The following SAMD7 variants were observed in gnomAD, a reference collection of about 807,000 sequenced individuals.
SAMD7 encodes the protein sterile alpha motif domain containing 7, also known as sterile alpha motif domain-containing protein 7.
SAMD7 carries 34 observed loss-of-function variants against 36.7 expected under a neutral mutation model. The ratio of observed to expected loss-of-function variants is 0.93; its 90% confidence interval spans 0.71 to 1.23. The LOEUF (loss-of-function observed/expected upper bound fraction) is 1.23, where lower values mean the gene tolerates loss of function less well. Among genes scored for constraint, SAMD7 ranks in the 50% most tolerant of loss-of-function variants. The pLI is 0.00. For synonymous variants in SAMD7, 188 were observed against 189.7 expected (o/e 0.99, Z 0.07); for missense variants, 570 against 546.6 (o/e 1.04, Z -0.43).
At chr3:169,933,639 A>G (rs1043725526) in intron 7 of SAMD7, among the ~76,000 whole-genome samples, 24 of 152,226 alleles carry the variant, frequency 1.6e-4, no homozygotes, top group African/African-American at 5.5e-4. Context: ...ATATGTATAC[A>G]TTCATGACTA....
At chr3:169,920,495 T>C (rs1271002388) in intron 3 of SAMD7, among the ~76,000 whole-genome samples, 4 of 152,238 alleles carry the variant, frequency 2.6e-5, no homozygotes, top group Non-Finnish European at 4.4e-5. Flanking sequence ...CTATTCCAAG[T>C]ACAGTCACAT....
At chr3:169,915,234 A>G (rs986728864) in intron 1 of SAMD7, 133 bp from the exon 2 acceptor site, 2 of 152,280 alleles carry the variant, frequency 1.3e-5, no homozygotes, top group African/African-American at 4.8e-5. Flanking sequence ...AGTTGCCCAC[A>G]GTGAAAACCC....
intron 8 of SAMD7, 140 bp from the exon 9 acceptor site, chr3:169,938,178 A>G (rs993043130): frequency 6.0e-5 from 37 of 614,726 alleles, no homozygotes; most frequent in Non-Finnish European, 1.1e-4. Flanking sequence ...ACCACATCCT[A>G]CAATTGTGAC....
chr3:169,921,635 T>A (rs891616897), intron 4 of SAMD7, among the ~76,000 whole-genome samples: 2 of 152,208 alleles, frequency 1.3e-5, no homozygotes, highest in East Asian at 3.9e-4. Flanking sequence ...GGAGATTAGA[T>A]CTGAGAATTA....
chr3:169,927,180 A>G lies in SAMD7; in HGVS notation c.918A>G (p.Pro306=). 6.6e-7 allele frequency: 1 copy of G among 1,522,738 alleles called. No homozygotes were observed. Among genetic ancestry groups the G allele is most frequent in the South Asian group, 1.3e-5 (1 of 74,452 alleles). The allele number at this position is 1,522,738 out of a possible 1,614,324, so 94.3% of individuals were successfully genotyped here. Residue 306 remains proline, a splice_region_variant and synonymous_variant, in exon 6 of 9, where the codon CCA becomes CCG. Transcript: ENST00000335556. ...CTCCAGTTCCTCGACCATCTCTGCC[A>G]GGTGGGTGTCCAGGGGCCAATGGCA... ...VCPPVPRPSL[P]GTHALVTIGG...
At chr3:169,917,657 T>TTTA in intron 2 of SAMD7, among the ~76,000 whole-genome samples, 1 of 50,364 alleles carries the variant, frequency 2.0e-5, no homozygotes, top group Non-Finnish European at 5.0e-5. Context: ...TTATTTATTT[T>TTTA]TTGAGACGGA....
At chr3:169,923,155 A>T (rs59298752) in intron 4 of SAMD7, among the ~76,000 whole-genome samples, 6,119 of 152,316 alleles carry the variant, frequency 0.04, 375 homozygotes, top group African/African-American at 0.13. Context: ...AGATGGGAGC[A>T]ATGTGAAGGG....
Position 169,936,352 on chromosome 3 carries a change from A to G in SAMD7, c.1055A>G (p.His352Arg). 1 of 1,604,324 alleles carries G rather than the reference A, an allele frequency of 6.2e-7. No homozygotes were observed. Among genetic ancestry groups the G allele is most frequent in the Non-Finnish European group, 8.5e-7 (1 of 1,171,292 alleles). Reference protein sequence around the residue: ...CSDYAQVFKDHAIDGETLPLL... With the variant: ...CSDYAQVFKDRAIDGETLPLL... ...GTATTTATGAAGGTATTTAAAGATC[A>G]TGCAATTGATGGAGAAACTTTGCCA... The change falls in exon 8 of 9, where the codon CAT becomes CGT. Residue 352 changes from histidine to arginine, a missense_variant. Transcript: ENST00000335556.
intron 3 of SAMD7, 41 bp from the exon 4 acceptor site, chr3:169,921,173 C>T: frequency 6.3e-7 from 1 of 1,596,676 alleles, no homozygotes; most frequent in South Asian, 1.1e-5. Context: ...TGTACTCCAA[C>T]CTCATTTTAC....
chr3:169,928,791 T>A (rs114543795), intron 7 of SAMD7, among the ~76,000 whole-genome samples: 6 of 152,172 alleles, frequency 3.9e-5, no homozygotes, highest in Non-Finnish European at 5.9e-5. Context: ...GGGAAAGCCA[T>A]TGTCTGTCTT....
intron 3 of SAMD7, 90 bp from the exon 4 acceptor site, chr3:169,921,124 G>A (rs759662322): frequency 1.7e-6 from 2 of 1,155,024 alleles, no homozygotes; most frequent in South Asian, 2.6e-5. Flanking sequence ...AATCCCATAT[G>A]GCAATAACAA....
chr3:169,922,151 CA>C (rs1325868516), intron 4 of SAMD7, among the ~76,000 whole-genome samples: 1 of 152,148 alleles, frequency 6.6e-6, no homozygotes, highest in African/African-American at 2.4e-5. Context: ...AGATGCCTAA[CA>C]GACACCCAAG....
intron 5 of SAMD7, 70 bp downstream of exon 5, chr3:169,925,206 A>G (rs1279189190): frequency 1.0e-6 from 1 of 960,602 alleles, no homozygotes; most frequent in Non-Finnish European, 1.6e-6. Flanking sequence ...TGTTATCTTC[A>G]TATAACAAAT....
intron 5 of SAMD7, 137 bp downstream of exon 5, chr3:169,925,273 T>G (rs1211050568): frequency 5.4e-6 from 3 of 555,492 alleles, no homozygotes; most frequent in Non-Finnish European, 9.2e-6. Flanking sequence ...TTACATAAAG[T>G]ATTTCAGGCA....
At chr3:169,919,078 G>A (rs762231222) in intron 2 of SAMD7, among the ~76,000 whole-genome samples, 10 of 152,090 alleles carry the variant, frequency 6.6e-5, no homozygotes, top group Non-Finnish European at 1.2e-4. Context: ...CCCGGGAGGC[G>A]GAGGTTGCAG....
At position 169,938,498 on chromosome 3, in the gene SAMD7, A is replaced by G; in HGVS notation, c.1333A>G (p.Arg445Gly). 1 of 1,603,574 alleles carries G rather than the reference A, an allele frequency of 6.2e-7. No individual in the cohort carries two copies. Among genetic ancestry groups the G allele is most frequent in the African/African-American group, 1.3e-5 (1 of 74,680 alleles). ...TAAAGGAATTGAGCGAGGTAGTATG[A>G]GAAACTAAAAGCCCTCAAGGAGGAA... Reference protein sequence around the residue: ...IPKGIERGSMRN With the variant: ...IPKGIERGSMGN Residue 445 changes from arginine (R) to glycine (G), a missense_variant, in exon 9 of 9, where the codon AGA (arginine) becomes GGA (glycine). Coordinates refer to ENST00000335556, the MANE Select transcript of SAMD7 (RefSeq NM_001304366.2).
rs1285283592 is a variant in SAMD7, at chr3:169,938,453, C to T, written c.1288C>T (p.Pro430Ser). ...GAGTGATACAATGAACATTTTTTGT[C>T]CCCAGGATACAATAATTCCTAAAGG... ...SWSDTMNIFC[P>S]QDTIIPKGIE... Residue 430 changes from proline (P) to serine (S), a missense_variant, in exon 9 of 9, where the codon CCC becomes TCC. Pro to Ser is a moderately conservative substitution (Grantham distance 74). Transcript: ENST00000335556. 1.9e-6 allele frequency: 3 copies of T among 1,612,942 alleles called. No homozygotes were observed. Among genetic ancestry groups the T allele is most frequent in the African/African-American group, 1.3e-5 (1 of 74,998 alleles).
intron 4 of SAMD7, 142 bp from the exon 5 acceptor site, chr3:169,924,916 A>G: frequency 1.7e-6 from 1 of 578,690 alleles, no homozygotes; most frequent in East Asian, 2.9e-5. Context: ...ATGATCTGAT[A>G]CCATTTCCAA....
intron 7 of SAMD7, chr3:169,932,392 C>A: frequency 1.6e-6 from 1 of 640,626 alleles, no homozygotes; most frequent in Admixed American, 1.8e-5. Context: ...GTAGTATAGC[C>A]GAGACTATGT....
Sources: allele counts gnomAD v4.1 joint callset (sites outside exome capture counted in the v4.1 genomes callset), GRCh38; gene constraint gnomAD v4.1.1; transcripts MANE v1.5; gene names NCBI Gene and HGNC (gene_info 2026-07-23, HGNC 2026-07-21).